The following IL7 variants were observed in gnomAD, a reference collection of about 807,000 sequenced individuals.
IL7 encodes interleukin-7.
In IL7, 3 loss-of-function variants were observed where a neutral mutation model predicts 21.6. That is an observed-to-expected ratio of 0.14 (90% CI 0.06 to 0.36). The LOEUF (loss-of-function observed/expected upper bound fraction) is 0.36. Among genes scored for constraint, IL7 ranks in the 10% least tolerant of loss-of-function variants. The pLI is 1.00. For synonymous variants in IL7, 62 were observed against 68.1 expected (o/e 0.91, Z 0.44); for missense variants, 175 against 200.2 (o/e 0.87, Z 0.76).
intron 2 of IL7, among the ~76,000 whole-genome samples, chr8:78,764,630 C>G (rs117999268): frequency 2.0e-5 from 3 of 151,498 alleles, no homozygotes; most frequent in African/African-American, 7.3e-5. Context: ...AAAAAAATGT[C>G]CAAAATACAT....
chr8:78,716,154 G>A (rs1811094481), downstream of IL7, among the ~76,000 whole-genome samples: 2 of 149,252 alleles, frequency 1.3e-5, no homozygotes, highest in Admixed American at 6.7e-5. Flanking sequence ...ACGGAGTCTC[G>A]CTCTGTCGCT....
chr8:78,762,069 C>A, intron 2 of IL7: 1 of 1,603,868 alleles, frequency 6.2e-7, no homozygotes, highest in East Asian at 2.2e-5. Context: ...GAAGTTTCAT[C>A]AATTTTTTTC....
chr8:78,719,911 GC>G (rs1354188035), intron 5 of IL7: 2 of 151,698 alleles, frequency 1.3e-5, no homozygotes, highest in Non-Finnish European at 3.0e-5. Flanking sequence ...TATGCCATCA[GC>G]TTTTTAAAAT....
At chr8:78,746,185 CAT>C in intron 2 of IL7, among the ~76,000 whole-genome samples, 1 of 152,290 alleles carries the variant, frequency 6.6e-6, no homozygotes, top group East Asian at 1.9e-4. Context: ...GTCCAAAAGA[CAT>C]GTGGTAAGAA....
At chr8:78,796,945 A>G (rs1813872285) in intron 2 of IL7, among the ~76,000 whole-genome samples, 1 of 152,012 alleles carries the variant, frequency 6.6e-6, no homozygotes, top group African/African-American at 2.4e-5. Context: ...AAAACCCTGC[A>G]CGTATATGTT....
intron 2 of IL7, among the ~76,000 whole-genome samples, chr8:78,751,091 C>CAA (rs200930977): frequency 2.7e-3 from 328 of 122,804 alleles, no homozygotes; most frequent in Non-Finnish European, 3.8e-3. Context: ...AGCAAAAATT[C>CAA]AAAAAAAAAA....
chr8:78,743,116 C>A (rs971511865), intron 2 of IL7, among the ~76,000 whole-genome samples: 2 of 152,214 alleles, frequency 1.3e-5, no homozygotes, highest in African/African-American at 4.8e-5. Context: ...ATACGTACCA[C>A]ATTTTCTTTA....
chr8:78,686,369 A>G (rs1809971287), intron 3 of IL7: 1 of 1,035,460 alleles, frequency 9.7e-7, no homozygotes, highest in Non-Finnish European at 1.3e-6. Flanking sequence ...TGATAAGAGA[A>G]CATTTAAAAT....
downstream of IL7, chr8:78,717,295 C>G: frequency 1.9e-6 from 3 of 1,590,880 alleles, no homozygotes. Flanking sequence ...CTGATACAAA[C>G]TTTATCTTTT....
At chr8:78,799,630 C>A (rs72666871) in intron 1 of IL7, among the ~76,000 whole-genome samples, 6,692 of 151,878 alleles carry the variant, frequency 0.044, 212 homozygotes, top group Middle Eastern at 0.079. Context: ...GTGTCAGGAA[C>A]TTTATATATA....
At chr8:78,739,708 AAAG>A (rs1450746576) in intron 3 of IL7, among the ~76,000 whole-genome samples, 1 of 151,830 alleles carries the variant, frequency 6.6e-6, no homozygotes, top group East Asian at 1.9e-4. Flanking sequence ...AAAAACAAAG[AAAG>A]AAAGAAAGAA....
At position 78,800,059 on chromosome 8, in the gene IL7, A is replaced by G. The variant is rs561890260; in HGVS notation, c.11-1851T>C. On this transcript the variant is annotated intron_variant, in intron 1 of 5. Coordinates refer to ENST00000263851, the MANE Select transcript of IL7 (RefSeq NM_000880.4). ...ATGGTACCCAATAGGTAATTTTTCAATCCTTATCCCCCTCCTACTCTCCCA... is the reference window on the plus strand; with the variant it reads ...ATGGTACCCAATAGGTAATTTTTCAGTCCTTATCCCCCTCCTACTCTCCCA... Among the ~76,000 whole-genome samples the G allele has an allele frequency of 3.3e-5, 5 of 152,256 alleles. No homozygotes were observed. The South Asian group carries it at 1.0e-3, about 32-fold the overall frequency.
chr8:78,718,812 C>T (rs1479721011), intron 6 of IL7: 2 of 151,564 alleles, frequency 1.3e-5, no homozygotes, highest in East Asian at 3.9e-4. Context: ...TCAATCAAAC[C>T]TAAGAGAGCT....
chr8:78,755,900 C>T (rs1446268583), intron 2 of IL7, among the ~76,000 whole-genome samples: 1 of 151,882 alleles, frequency 6.6e-6, no homozygotes, highest in African/African-American at 2.4e-5. Flanking sequence ...GCATCCTTGT[C>T]TTATTCAGTT....
At chr8:78,712,463 G>A (rs1295004481) in intron 3 of IL7, among the ~76,000 whole-genome samples, 1 of 151,956 alleles carries the variant, frequency 6.6e-6, no homozygotes, top group Non-Finnish European at 1.5e-5. Flanking sequence ...ATAATGTCTT[G>A]TACAGTATAT....
At chr8:78,734,273 C>T (rs1048392985) in intron 5 of IL7, among the ~76,000 whole-genome samples, 1 of 152,156 alleles carries the variant, frequency 6.6e-6, no homozygotes, top group Non-Finnish European at 1.5e-5. Flanking sequence ...CTAAGGTCTC[C>T]TCCAACAACT....
At chr8:78,705,645 G>T (rs1810749184) in intron 3 of IL7, among the ~76,000 whole-genome samples, 1 of 152,082 alleles carries the variant, frequency 6.6e-6, no homozygotes, top group Non-Finnish European at 1.5e-5. Flanking sequence ...CTCTGGGTCG[G>T]CATGGGCTCT....
At chr8:78,743,476 A>G (rs1811869757) in intron 2 of IL7, among the ~76,000 whole-genome samples, 1 of 151,396 alleles carries the variant, frequency 6.6e-6, no homozygotes, top group Non-Finnish European at 1.5e-5. Flanking sequence ...GGTTTTGTTC[A>G]TTCCTTTTCA....
chr8:78,716,369 C>T (rs1213288973), downstream of IL7, among the ~76,000 whole-genome samples: 4 of 151,860 alleles, frequency 2.6e-5, no homozygotes, highest in East Asian at 2.0e-4. Context: ...ATGATCCACC[C>T]ACCTTGGCCT....
Sources: gnomAD v4.1 joint callset for allele counts (sites outside exome capture counted in the v4.1 genomes callset) on GRCh38, gnomAD v4.1.1 for gene constraint, MANE v1.5 for transcripts, NCBI Gene and HGNC (gene_info 2026-07-23, HGNC 2026-07-21) for gene names.